Variants in SNRPN observed in about 807,000 individuals in gnomAD.
SNRPN encodes the protein small nuclear ribonucleoprotein polypeptide N, also known as small nuclear ribonucleoprotein-associated protein N.
A neutral mutation model predicts 25.2 loss-of-function variants in SNRPN; 7 were observed. The ratio of observed to expected loss-of-function variants is 0.28; its 90% CI spans 0.16 to 0.52. SNRPN has a LOEUF of 0.52. Among genes scored for constraint, SNRPN ranks in the 20% least tolerant of loss-of-function variants. The pLI is 0.96. For missense variants in SNRPN, 196 were observed against 322.5 expected (o/e 0.61, Z 3.00); for synonymous variants, 124 against 110.6 (o/e 1.12, Z -0.76).
chr15:24,833,410 G>T (rs1259966373), intron 2 of SNRPN, among the ~76,000 whole-genome samples: 1 of 151,992 alleles, frequency 6.6e-6, no homozygotes, highest in African/African-American at 2.4e-5. Context: ...TGACCTCACT[G>T]GTGAGAATAC....
chr15:24,943,813 CTT>C (rs372723376), intron 3 of SNRPN, among the ~76,000 whole-genome samples: 2 of 149,528 alleles, frequency 1.3e-5, no homozygotes, highest in African/African-American at 4.9e-5. Context: ...ATTATTGGTT[CTT>C]TTTTTTTTAA....
At chr15:24,947,442 A>G (rs897021530) in intron 3 of SNRPN, among the ~76,000 whole-genome samples, 6 of 152,184 alleles carry the variant, frequency 3.9e-5, no homozygotes, top group Admixed American at 3.9e-4. Context: ...CAGCCTGCCC[A>G]CTATGGTGAA....
chr15:24,910,869 T>C, intron 2 of SNRPN: 1 of 614,624 alleles, frequency 1.6e-6, no homozygotes, highest in South Asian at 2.2e-5. Context: ...TTCAGGGTGC[T>C]TTTAGTGCTG....
intron 1 of SNRPN, among the ~76,000 whole-genome samples, chr15:24,825,586 T>C (rs2050026835): frequency 6.6e-6 from 1 of 152,044 alleles, no homozygotes; most frequent in East Asian, 1.9e-4. Flanking sequence ...TAAATTGAAA[T>C]ATCATAAATT....
chr15:24,844,373 T>C (rs1309420821), intron 2 of SNRPN, among the ~76,000 whole-genome samples: 4 of 152,204 alleles, frequency 2.6e-5, no homozygotes, highest in Non-Finnish European at 5.9e-5. Flanking sequence ...TATTATTAAA[T>C]TTAACTATGT....
intron 1 of SNRPN, among the ~76,000 whole-genome samples, chr15:24,884,781 A>G (rs927412060): frequency 6.6e-6 from 1 of 152,160 alleles, no homozygotes; most frequent in Non-Finnish European, 1.5e-5. Flanking sequence ...GCCAATTTCA[A>G]AATGTTTGTA....
At chr15:24,890,640 T>C (rs1325080560) in intron 2 of SNRPN, among the ~76,000 whole-genome samples, 1 of 151,736 alleles carries the variant, frequency 6.6e-6, no homozygotes, top group Non-Finnish European at 1.5e-5. Flanking sequence ...GATCGCGCCA[T>C]TGCACTCCAG....
chr15:24,857,666 T>C (rs2053537391), intron 1 of SNRPN, among the ~76,000 whole-genome samples: 1 of 152,246 alleles, frequency 6.6e-6, no homozygotes, highest in South Asian at 2.1e-4. Context: ...GGCTCAACCT[T>C]TGACACTCCT....
At chr15:24,902,785 TGTTACAAGC>T (rs2151580020) in intron 2 of SNRPN, among the ~76,000 whole-genome samples, 1 of 152,238 alleles carries the variant, frequency 6.6e-6, no homozygotes, top group South Asian at 2.1e-4. Flanking sequence ...ACCTTTGCGG[TGTTACAAGC>T]GTTACAAGCT....
At chr15:24,918,550 GTATATATAA>G in intron 2 of SNRPN, among the ~76,000 whole-genome samples, 1 of 105,426 alleles carries the variant, frequency 9.5e-6, no homozygotes, top group African/African-American at 3.6e-5. Flanking sequence ...ATATATGTGT[GTATATATAA>G]CATAATATAT....
rs111397416 is a variant in SNRPN, at chr15:24,843,788, A to AACACATACAC, written c.-579+13888_-579+13889insTACACACACA. ...GATGACAGAGTGAGACTCCATCACA[A>AACACATACAC]ACACACACACACACACACACACACA... On this transcript the variant is annotated intron_variant, in intron 2 of 12. Coordinates refer to the SNRPN transcript ENST00000400100. Among the ~76,000 whole-genome samples, 16 of 139,906 alleles carry AACACATACAC rather than the reference A, an allele frequency of 1.1e-4. No individual in the cohort carries two copies. The East Asian group carries it at 3.5e-3, about 30-fold the overall frequency. The allele number at this position is 139,906 out of a possible 152,430, so 91.8% of individuals were successfully genotyped here.
rs958437689 is a variant in SNRPN, at chr15:24,976,996, C to T, written c.387C>T (p.Gly129=). 2 of 1,595,848 alleles carry T rather than the reference C, an allele frequency of 1.3e-6. No homozygotes were observed. Among genetic ancestry groups the T allele is most frequent in the Non-Finnish European group, 1.7e-6 (2 of 1,172,090 alleles). Residue 129 remains glycine, a synonymous_variant, in exon 7 of 10, where the codon GGC becomes GGT. Transcript: ENST00000390687. ...PIPQAPAGLA[G]PVRGVGGPSQ... is the part of the protein sequence containing the mutation. ...CCCAGGCCCCTGCTGGATTGGCAGGCCCTGTCCGAGGAGTTGGGGGACCAT... is the reference window on the plus strand; with the variant it reads ...CCCAGGCCCCTGCTGGATTGGCAGGTCCTGTCCGAGGAGTTGGGGGACCAT...
chr15:24,976,840 ATTGT>A (rs2153704410), intron 6 of SNRPN, 33 bp from the exon 7 acceptor site: 1 of 1,587,656 alleles, frequency 6.3e-7, no homozygotes, highest in East Asian at 2.2e-5. Flanking sequence ...GAACTTGTAA[ATTGT>A]TTGATTTTAG....
chr15:24,832,069 C>T (rs1252452514), intron 2 of SNRPN, among the ~76,000 whole-genome samples: 3 of 150,788 alleles, frequency 2.0e-5, no homozygotes, highest in Non-Finnish European at 4.4e-5. Flanking sequence ...TTTTAGGATC[C>T]TTCACAATTT....
intron 1 of SNRPN, among the ~76,000 whole-genome samples, chr15:24,828,817 G>T (rs1403853619): frequency 6.6e-6 from 1 of 152,042 alleles, no homozygotes; most frequent in Non-Finnish European, 1.5e-5. Context: ...AAAAAAAATT[G>T]TTCGTTTAAA....
chr15:24,868,724 TG>T (rs1325581436), intron 1 of SNRPN, among the ~76,000 whole-genome samples: 1 of 152,206 alleles, frequency 6.6e-6, no homozygotes, highest in African/African-American at 2.4e-5. Flanking sequence ...AGGTGTTTTG[TG>T]GAATTTCCTA....
chr15:24,944,036 G>A (rs1411567458), intron 3 of SNRPN, among the ~76,000 whole-genome samples: 1 of 152,086 alleles, frequency 6.6e-6, no homozygotes, highest in Admixed American at 6.6e-5. Context: ...TGACTAGGCT[G>A]GTCTTGAACT....
intron 3 of SNRPN, among the ~76,000 whole-genome samples, chr15:24,943,303 G>A (rs1452182098): frequency 6.6e-6 from 1 of 152,142 alleles, no homozygotes; most frequent in Non-Finnish European, 1.5e-5. Flanking sequence ...GAAAGGCTCT[G>A]TAGTGCAGCA....
At chr15:24,934,367 A>G (rs887994198) in intron 3 of SNRPN, among the ~76,000 whole-genome samples, 7 of 146,796 alleles carry the variant, frequency 4.8e-5, no homozygotes, top group African/African-American at 1.7e-4. Flanking sequence ...TATAAGATTC[A>G]AATTTCACGG....
Sources: gnomAD v4.1 joint callset for allele counts (sites outside exome capture counted in the v4.1 genomes callset) on GRCh38, gnomAD v4.1.1 for gene constraint, MANE v1.5 for transcripts, NCBI Gene and HGNC (gene_info 2026-07-23, HGNC 2026-07-21) for gene names.